CDH8: variants seen among roughly 807,000 people sequenced by gnomAD.
The protein encoded by CDH8 is cadherin 8.
Under a neutral mutation model 68.1 loss-of-function variants are expected in CDH8, and 17 were observed. The ratio of observed to expected loss-of-function variants is 0.25; its 90% confidence interval spans 0.17 to 0.37. The LOEUF is 0.37. CDH8 is among the 10% of genes least tolerant of loss of function. CDH8 has a pLI of 1.00. For synonymous variants in CDH8, 372 were observed against 365.1 expected (o/e 1.02, Z -0.21); for missense variants, 763 against 999.3 (o/e 0.76, Z 3.19).
intron 6 of CDH8, among the ~76,000 whole-genome samples, chr16:61,818,203 T>C (rs769618443): frequency 1.3e-5 from 2 of 152,054 alleles, no homozygotes; most frequent in African/African-American, 4.8e-5. Context: ...CATTGTTTAG[T>C]CCAAGGAGAC....
intron 2 of CDH8, among the ~76,000 whole-genome samples, chr16:61,997,303 C>T (rs1319655515): frequency 6.6e-6 from 1 of 151,974 alleles, no homozygotes; most frequent in Non-Finnish European, 1.5e-5. Context: ...TCTTTGAAGC[C>T]CTGCCTGTAT....
chr16:61,661,868 T>C (rs1014771117), intron 10 of CDH8, among the ~76,000 whole-genome samples: 86 of 151,802 alleles, frequency 5.7e-4, no homozygotes, highest in African/African-American at 2.0e-3. Flanking sequence ...TTGTTTTCAT[T>C]TTTTAAAAAA....
intron 10 of CDH8, among the ~76,000 whole-genome samples, chr16:61,672,139 A>G (rs1015803314): frequency 6.6e-6 from 1 of 152,072 alleles, no homozygotes; most frequent in African/African-American, 2.4e-5. Flanking sequence ...TCCCTAGTTG[A>G]TAATGGATGT....
At chr16:61,656,881 G>A (rs1226988979) in intron 10 of CDH8, among the ~76,000 whole-genome samples, 5 of 152,070 alleles carry the variant, frequency 3.3e-5, no homozygotes, top group African/African-American at 4.8e-5. Flanking sequence ...CTCATGAATT[G>A]CAGTCACATT....
rs774983350 is a variant in CDH8, at chr16:61,651,411, GT to G, written c.*2196del. ...CTCAGCAACAGAAACTCAATAAAAA[GT>G]TGATTAAGCCACCGGATAGTTATAA... is the stretch of plus-strand genomic sequence containing the variant. On this transcript the variant is annotated 3_prime_UTR_variant, in exon 12 of 12. Transcript: ENST00000577390. 6.6e-6 allele frequency: 1 copy of G among 152,244 alleles called. No homozygotes were observed. Among genetic ancestry groups the G allele is most frequent in the Non-Finnish European group, 1.5e-5 (1 of 68,016 alleles). The allele number at this position is 152,244 out of a possible 1,614,324, so 9.4% of individuals were successfully genotyped here.
At chr16:61,868,462 A>G (rs916349918) in intron 3 of CDH8, among the ~76,000 whole-genome samples, 1 of 152,176 alleles carries the variant, frequency 6.6e-6, no homozygotes, top group African/African-American at 2.4e-5. Context: ...ATTAAAGAAT[A>G]ACGGTAAGGG....
At chr16:61,739,093 C>G (rs757860772) in intron 8 of CDH8, among the ~76,000 whole-genome samples, 1 of 152,094 alleles carries the variant, frequency 6.6e-6, no homozygotes. Context: ...TTCTACTCTG[C>G]CAACTGAGTT....
intron 10 of CDH8, among the ~76,000 whole-genome samples, chr16:61,671,251 C>T (rs957420016): frequency 2.6e-5 from 4 of 152,056 alleles, no homozygotes; most frequent in South Asian, 2.1e-4. Flanking sequence ...ATGTTGTTGG[C>T]GTAAAGATCT....
chr16:61,844,943 T>C (rs1810072809), intron 4 of CDH8, among the ~76,000 whole-genome samples: 1 of 152,188 alleles, frequency 6.6e-6, no homozygotes, highest in South Asian at 2.1e-4. Context: ...AATGCCACTT[T>C]GATAGCAAGT....
At chr16:61,664,213 TA>T (rs1334356987) in intron 10 of CDH8, among the ~76,000 whole-genome samples, 2 of 151,968 alleles carry the variant, frequency 1.3e-5, no homozygotes, top group Non-Finnish European at 2.9e-5. Flanking sequence ...TCTTTCTGTA[TA>T]ATTTCTTTCA....
chr16:61,696,225 C>T (rs1964322818), intron 10 of CDH8, among the ~76,000 whole-genome samples: 1 of 152,156 alleles, frequency 6.6e-6, no homozygotes, highest in Non-Finnish European at 1.5e-5. Context: ...ATTTTCACAG[C>T]CTAACTTGCT....
chr16:61,658,630 T>C (rs8047144), intron 10 of CDH8, among the ~76,000 whole-genome samples: 20,697 of 152,076 alleles, frequency 0.14, 1,587 homozygotes, highest in African/African-American at 0.2. Context: ...CTGTTTCTTA[T>C]GTATGAAAAC....
At chr16:61,995,245 A>G (rs186945812) in intron 2 of CDH8, among the ~76,000 whole-genome samples, 312 of 152,372 alleles carry the variant, frequency 2.0e-3, no homozygotes, top group African/African-American at 7.3e-3. Flanking sequence ...GCTATAATAA[A>G]GAAGGAAGGA....
chr16:62,005,721 C>A (rs1212029911), intron 2 of CDH8, among the ~76,000 whole-genome samples: 2 of 119,812 alleles, frequency 1.7e-5, no homozygotes, highest in Non-Finnish European at 3.3e-5. Flanking sequence ...GGTGACAGGA[C>A]TAGACTTCGT....
chr16:61,971,509 A>T (rs1005139117), intron 2 of CDH8, among the ~76,000 whole-genome samples: 3 of 152,204 alleles, frequency 2.0e-5, no homozygotes, highest in Admixed American at 2.0e-4. Context: ...GAATGGTTGC[A>T]TACAGAGCTT....
intron 2 of CDH8, among the ~76,000 whole-genome samples, chr16:61,948,301 T>TA (rs1038395394): frequency 1.3e-5 from 2 of 152,158 alleles, no homozygotes; most frequent in Non-Finnish European, 2.9e-5. Context: ...GGGTATATTT[T>TA]AAAAAATATA....
At chr16:61,963,376 C>T (rs1254815695) in intron 2 of CDH8, among the ~76,000 whole-genome samples, 1 of 152,180 alleles carries the variant, frequency 6.6e-6, no homozygotes, top group African/African-American at 2.4e-5. Context: ...TTTAAGTTGA[C>T]TTTTTACTCA....
chr16:61,738,253 T>A (rs1418591585), intron 8 of CDH8, among the ~76,000 whole-genome samples: 1 of 152,184 alleles, frequency 6.6e-6, no homozygotes, highest in African/African-American at 2.4e-5. Context: ...AAGCATGCTA[T>A]CTTGCTACTC....
intron 1 of CDH8, among the ~76,000 whole-genome samples, chr16:62,025,369 T>C (rs961522466): frequency 8.8e-6 from 1 of 113,738 alleles, no homozygotes; most frequent in African/African-American, 4.3e-5. Context: ...CTCTGCCAGT[T>C]CTTTGTGAAG....
Sources: gnomAD v4.1 joint callset for allele counts (sites outside exome capture counted in the v4.1 genomes callset) on GRCh38, gnomAD v4.1.1 for gene constraint, MANE v1.5 for transcripts, NCBI Gene and HGNC (gene_info 2026-07-23, HGNC 2026-07-21) for gene names.